Variants in ZNF30 observed in about 807,000 individuals in gnomAD.
ZNF30 encodes zinc finger protein 30.
A neutral mutation model predicts 13.2 loss-of-function variants in ZNF30; 15 were observed. The ratio of observed to expected loss-of-function variants is 1.13; its 90% CI spans 0.76 to 1.75. The LOEUF (loss-of-function observed/expected upper bound fraction) is 1.75, where lower values mean the gene tolerates loss of function less well. ZNF30 is among the 40% of genes most tolerant of loss of function. The probability of loss-of-function intolerance (pLI) is 0.00; values close to 1 mark genes in which losing one functional copy is unlikely to be tolerated. For synonymous variants in ZNF30, 223 were observed against 256.6 expected, an observed-to-expected ratio of 0.87 and a Z score of 1.25; for missense variants, 726 against 757.0, an observed-to-expected ratio of 0.96 and a Z score of 0.48.
At chr19:34,943,116 T>C in intron 4 of ZNF30, 107 bp from the exon 5 acceptor site, 1 of 783,288 alleles carries the variant, frequency 1.3e-6, no homozygotes, top group Non-Finnish European at 1.9e-6. Flanking sequence ...GTTTTAATAT[T>C]ACTGAGCTAT....
At position 34,944,974 on chromosome 19, in the gene ZNF30, C is replaced by A; in HGVS notation, c.*136C>A. ...TCTCATCTTATAATTCATAATATAA[C>A]TCAGAAAACATAAGAATATTCCTTT... On this transcript the variant is annotated 3_prime_UTR_variant, in exon 5 of 5. Coordinates refer to ENST00000601142, the MANE Select transcript of ZNF30 (RefSeq NM_194325.3). 1 of 803,620 alleles carries A rather than the reference C, an allele frequency of 1.2e-6. No individual in the cohort carries two copies. The highest frequency in any genetic ancestry group is 1.8e-6 in the Non-Finnish European group (1 of 545,036). 49.8% of individuals were successfully genotyped at this position (803,620 alleles called of 1,614,324 possible).
intron 4 of ZNF30, among the ~76,000 whole-genome samples, chr19:34,939,201 A>G (rs2012913213): frequency 1.5e-5 from 2 of 130,592 alleles, no homozygotes; most frequent in African/African-American, 3.0e-5. Flanking sequence ...CTTTTCTTTC[A>G]GATGGAGTCT....
Position 34,944,879 on chromosome 19 carries a change from A to C in ZNF30, c.*41A>C. 6.7e-7 allele frequency: 1 copy of C among 1,494,894 alleles called. No homozygotes were observed. The highest frequency in any genetic ancestry group is 2.3e-5 in the East Asian group (1 of 43,710). The allele number at this position is 1,494,894 out of a possible 1,614,324, so 92.6% of individuals were successfully genotyped here. On this transcript the variant is annotated 3_prime_UTR_variant, in exon 5 of 5. Coordinates refer to ENST00000601142, the MANE Select transcript of ZNF30 (RefSeq NM_194325.3). ...GGGAAGTGCTTCGTGTGTGGCTCAA[A>C]CATTGTTGAACATCGGGGAATTTAT...
At chr19:34,940,323 C>T (rs1445282010) in intron 4 of ZNF30, among the ~76,000 whole-genome samples, 1 of 152,148 alleles carries the variant, frequency 6.6e-6, no homozygotes, top group African/African-American at 2.4e-5. Flanking sequence ...CAAATGTACA[C>T]AACTATGTCA....
chr19:34,937,956 T>C (rs2012829968), intron 4 of ZNF30, among the ~76,000 whole-genome samples: 1 of 152,084 alleles, frequency 6.6e-6, no homozygotes. Flanking sequence ...CCACCATGCC[T>C]GGCTAATTTT....
chr19:34,938,464 A>G (rs2012856284), intron 4 of ZNF30, among the ~76,000 whole-genome samples: 1 of 151,720 alleles, frequency 6.6e-6, no homozygotes, highest in South Asian at 2.1e-4. Flanking sequence ...CTTTTTTTGC[A>G]TTTTGCCAAC....
chr19:34,943,017 A>G (rs1337460782), intron 4 of ZNF30, among the ~76,000 whole-genome samples: 1 of 151,454 alleles, frequency 6.6e-6, no homozygotes, highest in Non-Finnish European at 1.5e-5. Context: ...CTAAATGAAA[A>G]CTGTTTCACT....
At position 34,943,767 on chromosome 19, in the gene ZNF30, G is replaced by C; in HGVS notation, c.801G>C (p.Lys267Asn). 2 of 1,613,942 alleles carry C rather than the reference G, an allele frequency of 1.2e-6. No individual in the cohort carries two copies. The highest frequency in any genetic ancestry group is 2.2e-5 in the East Asian group (1 of 44,874). The change falls in exon 5 of 5, where the codon AAG (lysine) becomes AAC (asparagine). Residue 267 changes from lysine to asparagine, a missense_variant. By Grantham distance (94) the Lys-to-Asn change is moderately conservative. Transcript: ENST00000601142. ...EKPFGCEECGKAFSTFSYLVQ... is the reference protein window; with the variant it reads ...EKPFGCEECGNAFSTFSYLVQ... ...CCTTTGGGTGTGAGGAGTGTGGGAA[G>C]GCCTTCAGTACCTTTTCATACCTGG...
rs777931535 is a variant in ZNF30, at chr19:34,944,186, A to G, written c.1220A>G (p.Lys407Arg). 1.2e-6 allele frequency: 2 copies of G among 1,613,186 alleles called. No individual in the cohort carries two copies. The highest frequency in any genetic ancestry group is 1.7e-6 in the Non-Finnish European group (2 of 1,179,230). The change falls in exon 5 of 5, where the codon AAG becomes AGG. Residue 407 changes from lysine (K) to arginine (R), a missense_variant. Transcript: ENST00000601142. ...CCCTATGAATGTAAGGAGTGTGGCA[A>G]GGCCTTTAGTACTGGCTCATACCTT... ...EKPYECKECG[K>R]AFSTGSYLVQ...
chr19:34,936,114 G>A (rs1343921570), intron 4 of ZNF30, among the ~76,000 whole-genome samples: 1 of 152,124 alleles, frequency 6.6e-6, no homozygotes, highest in Admixed American at 6.5e-5. Context: ...GGGAATTATG[G>A]GAGCTACAAT....
chr19:34,937,729 A>G (rs146980349), intron 4 of ZNF30, among the ~76,000 whole-genome samples: 12 of 147,802 alleles, frequency 8.1e-5, no homozygotes, highest in East Asian at 2.0e-4. Context: ...TCTTAAAAAT[A>G]AAAAAAAAAA....
chr19:34,926,853 T>C (rs2651126), upstream of ZNF30: 149,633 of 396,766 alleles, frequency 0.38, 30,194 homozygotes, highest in African/African-American at 0.62. Flanking sequence ...CGCCTGCGCA[T>C]TCTCAGCCGG....
rs192735027 is a variant in ZNF30 at position 34,932,328 on chromosome 19, C to T, written c.160+335C>T. 1.4e-4 allele frequency among the ~76,000 whole-genome samples: 21 copies of T among 152,166 alleles called. No homozygotes were observed. The East Asian group carries it at 3.5e-3, about 25-fold the overall frequency. On this transcript the variant is annotated intron_variant, in intron 3 of 4. Coordinates refer to ENST00000601142, the MANE Select transcript of ZNF30 (RefSeq NM_194325.3). ...AAGACCTATACAACTTATATGCCGG[C>T]GGATTGGATAAACAAATCATTTAAA...
At chr19:34,930,035 T>TGAAGAATG in intron 2 of ZNF30, 79 bp downstream of exon 2, 1 of 1,380,214 alleles carries the variant, frequency 7.2e-7, no homozygotes, top group Non-Finnish European at 1.0e-6. Flanking sequence ...GAAGCATTCT[T>TGAAGAATG]CATCAGAATG....
chr19:34,944,438 A>G lies in ZNF30; in HGVS notation c.1472A>G (p.Lys491Arg), dbSNP rs1211878142. The part of the protein sequence containing the change: ...VKPYECKECG[K>R]TFSRASYLVQ... ...CCCTATGAATGTAAGGAATGTGGAAAGACTTTTAGTCGAGCCTCGTACCTT... is the reference window on the plus strand; with the variant it reads ...CCCTATGAATGTAAGGAATGTGGAAGGACTTTTAGTCGAGCCTCGTACCTT... Residue 491 changes from lysine (K) to arginine (R), a missense_variant, in exon 5 of 5, where the codon AAG (lysine) becomes AGG (arginine). Coordinates refer to ENST00000601142, the MANE Select transcript of ZNF30 (RefSeq NM_194325.3). The G allele has an allele frequency of 1.2e-6, 2 of 1,613,944 alleles. No homozygotes were observed. Among genetic ancestry groups the G allele is most frequent in the Admixed American group, 1.7e-5 (1 of 59,998 alleles).
chr19:34,931,777 TTAC>T, intron 2 of ZNF30, 63 bp from the exon 3 acceptor site: 1 of 1,518,570 alleles, frequency 6.6e-7, no homozygotes, highest in Non-Finnish European at 8.9e-7. Context: ...TATTGCTCCC[TTAC>T]TACACTGAAA....
intron 4 of ZNF30, among the ~76,000 whole-genome samples, chr19:34,937,298 C>G (rs1428131523): frequency 6.6e-6 from 1 of 152,160 alleles, no homozygotes; most frequent in Non-Finnish European, 1.5e-5. Context: ...CAGGCGTGAG[C>G]TACTGCACCC....
At chr19:34,937,074 C>T (rs963815657) in intron 4 of ZNF30, among the ~76,000 whole-genome samples, 6 of 151,892 alleles carry the variant, frequency 4.0e-5, no homozygotes, top group Middle Eastern at 3.4e-3. Flanking sequence ...TGCAGTGGTG[C>T]GATCTCAGCT....
At chr19:34,933,979 G>A (rs552353857) in intron 4 of ZNF30, among the ~76,000 whole-genome samples, 6 of 152,190 alleles carry the variant, frequency 3.9e-5, no homozygotes, top group Non-Finnish European at 8.8e-5. Flanking sequence ...CTTTCCCAGT[G>A]CATTATTCCA....
Sources: gnomAD v4.1 joint callset for allele counts (sites outside exome capture counted in the v4.1 genomes callset) on GRCh38, gnomAD v4.1.1 for gene constraint, MANE v1.5 for transcripts, NCBI Gene and HGNC (gene_info 2026-07-23, HGNC 2026-07-21) for gene names.